LRBA: variants seen among roughly 807,000 people sequenced by gnomAD.
LRBA encodes the protein lipopolysaccharide-responsive and beige-like anchor protein.
Under a neutral mutation model 330.0 loss-of-function variants are expected in LRBA, and 176 were observed. The observed-to-expected ratio is 0.53, with a 90% CI of 0.47 to 0.60. The LOEUF is 0.60. Ranked by LOEUF, LRBA falls within the 20% of genes least tolerant of loss-of-function variation. The pLI is 0.00. For synonymous variants in LRBA, 1,230 were observed against 1,193.0 expected (o/e 1.03, Z -0.64); for missense variants, 3,259 against 3,444.8 (o/e 0.95, Z 1.35).
At chr4:150,509,689 T>C (rs1761606598) in intron 40 of LRBA, among the ~76,000 whole-genome samples, 1 of 150,970 alleles carries the variant, frequency 6.6e-6, no homozygotes, top group African/African-American at 2.4e-5. Flanking sequence ...GGAAAAAAAA[T>C]AGATGTAAAT....
At chr4:150,286,407 C>T (rs1169536330) in intron 53 of LRBA, among the ~76,000 whole-genome samples, 1 of 152,046 alleles carries the variant, frequency 6.6e-6, no homozygotes, top group Non-Finnish European at 1.5e-5. Context: ...AGGCCTCGCC[C>T]CTCCTTCCTC....
intron 40 of LRBA, chr4:150,582,607 A>C (rs577534418): frequency 6.0e-6 from 1 of 166,580 alleles, no homozygotes; most frequent in East Asian, 1.8e-4. Context: ...CACTTAAAAA[A>C]CCTCATTTCC....
chr4:150,437,403 AATATGCCT>A (rs1751253046), intron 44 of LRBA, among the ~76,000 whole-genome samples: 1 of 151,368 alleles, frequency 6.6e-6, no homozygotes, highest in South Asian at 2.1e-4. Flanking sequence ...AAAGGATAAA[AATATGCCT>A]ATATGTCTAT....
At chr4:150,747,475 T>C (rs1301513624) in intron 35 of LRBA, among the ~76,000 whole-genome samples, 2 of 152,194 alleles carry the variant, frequency 1.3e-5, no homozygotes, top group African/African-American at 4.8e-5. Context: ...GCAGTGCTTA[T>C]AAGGAAAAGA....
At chr4:150,644,314 A>C (rs933944402) in intron 37 of LRBA, among the ~76,000 whole-genome samples, 7 of 151,952 alleles carry the variant, frequency 4.6e-5, no homozygotes, top group African/African-American at 1.7e-4. Flanking sequence ...AATTTAAAAC[A>C]AATTATCTCA....
At chr4:150,710,489 C>T (rs1426342822) in intron 36 of LRBA, among the ~76,000 whole-genome samples, 2 of 151,712 alleles carry the variant, frequency 1.3e-5, no homozygotes, top group Non-Finnish European at 2.9e-5. Flanking sequence ...TAAACAAATG[C>T]TAACAAAAAT....
intron 48 of LRBA, among the ~76,000 whole-genome samples, chr4:150,329,101 T>G (rs1733669311): frequency 6.6e-6 from 1 of 152,230 alleles, no homozygotes; most frequent in Admixed American, 6.5e-5. Flanking sequence ...GTGGTCTGAT[T>G]ATTCTATCTC....
Position 150,559,874 on chromosome 4 carries a change from AT to A in LRBA, c.6330+28173del, listed in dbSNP as rs1316954079. Reference sequence around the variant, plus strand: ...AATATATAATTATATATAATATATAATTATATATAATTATATATAATTATAT... The same window carrying A: ...AATATATAATTATATATAATATATAATATATATAATTATATATAATTATAT... On this transcript the variant is annotated intron_variant, in intron 40 of 56. Coordinates refer to ENST00000651943, the MANE Select transcript of LRBA (RefSeq NM_001364905.1). Among the ~76,000 whole-genome samples the A allele has an allele frequency of 1.5e-3, 27 of 18,406 alleles. 1 individual carries two copies. The highest frequency in any genetic ancestry group is 0.067 in the Middle Eastern group (2 of 30). The allele number at this position is 18,406 out of a possible 152,430, so 12.1% of individuals were successfully genotyped here.
At chr4:150,390,030 A>C (rs1414333569) in intron 47 of LRBA, among the ~76,000 whole-genome samples, 1 of 151,460 alleles carries the variant, frequency 6.6e-6, no homozygotes, top group African/African-American at 2.4e-5. Context: ...AAACACACCA[A>C]GTTCTGTTCC....
intron 46 of LRBA, chr4:150,422,769 G>A: frequency 7.3e-7 from 1 of 1,367,166 alleles, no homozygotes; most frequent in Non-Finnish European, 1.0e-6. Flanking sequence ...GTGGCCAGCT[G>A]GGCACTGTTC....
chr4:150,755,677 G>T (rs1173006854), intron 35 of LRBA, among the ~76,000 whole-genome samples: 2 of 151,792 alleles, frequency 1.3e-5, no homozygotes, highest in Non-Finnish European at 2.9e-5. Flanking sequence ...AACTATGCCG[G>T]TTTTTTTATT....
chr4:150,969,257 A>G (rs1470377963), intron 2 of LRBA, among the ~76,000 whole-genome samples: 1 of 152,218 alleles, frequency 6.6e-6, no homozygotes, highest in Non-Finnish European at 1.5e-5. Flanking sequence ...TAGGAAATAC[A>G]TTTTGTAAGG....
At chr4:150,576,332 A>C (rs1770544644) in intron 40 of LRBA, among the ~76,000 whole-genome samples, 1 of 151,914 alleles carries the variant, frequency 6.6e-6, no homozygotes, top group Non-Finnish European at 1.5e-5. Context: ...TAAAATGAGA[A>C]AAAGATACAC....
chr4:150,651,320 T>C (rs1043433137), intron 37 of LRBA, among the ~76,000 whole-genome samples: 3 of 152,300 alleles, frequency 2.0e-5, no homozygotes, highest in Middle Eastern at 3.4e-3. Context: ...CTAAGTTCTA[T>C]GTGCACGGTG....
chr4:150,645,919 C>T (rs553326957), intron 37 of LRBA, among the ~76,000 whole-genome samples: 32 of 128,092 alleles, frequency 2.5e-4, no homozygotes, highest in Non-Finnish European at 3.2e-5. Context: ...AAATTCTTCT[C>T]ATTAGAAAAC....
chr4:150,936,678 C>T (rs1029112192), intron 2 of LRBA, among the ~76,000 whole-genome samples: 2 of 151,868 alleles, frequency 1.3e-5, no homozygotes, highest in African/African-American at 2.4e-5. Flanking sequence ...CTAGATACAA[C>T]AATAAAAAAG....
intron 48 of LRBA, among the ~76,000 whole-genome samples, chr4:150,328,102 G>A (rs1055182478): frequency 1.3e-5 from 2 of 152,096 alleles, no homozygotes; most frequent in Non-Finnish European, 2.9e-5. Context: ...TGATGACTTT[G>A]AGCAATAAAG....
intron 15 of LRBA, among the ~76,000 whole-genome samples, chr4:150,897,408 G>C (rs1385616063): frequency 5.9e-5 from 9 of 151,948 alleles, no homozygotes; most frequent in Non-Finnish European, 1.5e-5. Context: ...TCAGTTACAA[G>C]GAGCCTGCTA....
At chr4:150,293,723 T>C (rs1157482796) in intron 53 of LRBA, among the ~76,000 whole-genome samples, 4 of 152,222 alleles carry the variant, frequency 2.6e-5, no homozygotes, top group African/African-American at 7.2e-5. Context: ...AGGTTGACCC[T>C]TGAACAACAT....
Sources: gnomAD v4.1 joint callset for allele counts (sites outside exome capture counted in the v4.1 genomes callset) on GRCh38, gnomAD v4.1.1 for gene constraint, MANE v1.5 for transcripts, NCBI Gene and HGNC (gene_info 2026-07-23, HGNC 2026-07-21) for gene names.